The following LNX1 variants were observed in gnomAD, a reference collection of about 807,000 sequenced individuals.
The protein encoded by LNX1 is ligand of numb-protein X 1, also known as E3 ubiquitin-protein ligase LNX.
Under a neutral mutation model 68.4 loss-of-function variants are expected in LNX1, and 54 were observed. The ratio of observed to expected loss-of-function variants is 0.79; its 90% CI spans 0.63 to 0.99. The LOEUF is 0.99. Ranked by LOEUF, LNX1 falls within the 50% of genes least tolerant of loss-of-function variation. LNX1 has a pLI of 0.00. For synonymous variants in LNX1, 336 were observed against 350.0 expected (o/e 0.96, Z 0.45); for missense variants, 906 against 926.4 (o/e 0.98, Z 0.29).
intron 2 of LNX1, among the ~76,000 whole-genome samples, chr4:53,570,173 C>G (rs1305421913): frequency 7.1e-6 from 1 of 140,030 alleles, no homozygotes; most frequent in Non-Finnish European, 1.5e-5. Flanking sequence ...GGTATATACC[C>G]AAAGGACTAT....
chr4:53,472,343 T>G (rs1304812593), intron 9 of LNX1, among the ~76,000 whole-genome samples: 1 of 150,722 alleles, frequency 6.6e-6, no homozygotes, highest in African/African-American at 2.4e-5. Context: ...GTTGTGGGGT[T>G]GGGGGATGGG....
At chr4:53,492,497 A>G (rs1402750984) in intron 6 of LNX1, among the ~76,000 whole-genome samples, 1 of 47,984 alleles carries the variant, frequency 2.1e-5, no homozygotes, top group Non-Finnish European at 5.6e-5. Flanking sequence ...AGGAGGCCTC[A>G]GAGGGCTCTG....
intron 2 of LNX1, among the ~76,000 whole-genome samples, chr4:53,567,810 G>C (rs1384734240): frequency 6.6e-6 from 1 of 151,652 alleles, no homozygotes; most frequent in Admixed American, 6.6e-5. Context: ...ATGATAAAGG[G>C]GATATCACCA....
chr4:53,484,223 T>C (rs1724137847), intron 6 of LNX1, among the ~76,000 whole-genome samples: 1 of 152,188 alleles, frequency 6.6e-6, no homozygotes, highest in African/African-American at 2.4e-5. Context: ...ATGAATGGAC[T>C]AAGACAATGC....
Position 53,460,972 on chromosome 4 carries a change from G to A in LNX1, c.2122C>T (p.Leu708=). 7 of 1,609,652 alleles carry A rather than the reference G, an allele frequency of 4.3e-6. No individual in the cohort carries two copies. Among genetic ancestry groups the A allele is most frequent in the Non-Finnish European group, 5.9e-6 (7 of 1,177,966 alleles). ...SGMIHACLAR[L]LKELKGRITL... ...ATTCTTCCTTTAAGTTCTTTCAGCA[G>A]TCTTGCCAAGCAAGCATGTATCATT... The change falls in exon 11 of 11, where the codon CTG becomes TTG. Residue 708 remains leucine, a synonymous_variant. Transcript: ENST00000263925.
chr4:53,640,923 C>T (rs1177710315), intron 1 of LNX1, among the ~76,000 whole-genome samples: 1 of 152,200 alleles, frequency 6.6e-6, no homozygotes, highest in African/African-American at 2.4e-5. Context: ...TCAGTCTCGT[C>T]GGCAGTCCTT....
At chr4:53,562,574 A>T (rs1287416259) in intron 2 of LNX1, among the ~76,000 whole-genome samples, 1 of 152,232 alleles carries the variant, frequency 6.6e-6, no homozygotes, top group South Asian at 2.1e-4. Context: ...AATGAAACGC[A>T]TTCTGGAGAA....
chr4:53,460,690 TGA>T lies in LNX1; in HGVS notation c.*215_*216del, dbSNP rs971357311. On this transcript the variant is annotated 3_prime_UTR_variant, in exon 11 of 11. Transcript: ENST00000263925. The stretch of plus-strand genomic sequence containing the variant: ...AAATATAAACAATGTTGTAGAGTAA[TGA>T]GAAATCCTCCACACTGAAAAAAAAC... 2 of 491,954 alleles carry T rather than the reference TGA, an allele frequency of 4.1e-6. No homozygotes were observed. The highest frequency in any genetic ancestry group is 4.0e-5 in the African/African-American group (2 of 49,428). 30.5% of individuals were successfully genotyped at this position (491,954 alleles called of 1,614,324 possible).
intron 5 of LNX1, 129 bp from the exon 6 acceptor site, chr4:53,496,523 C>T (rs1725075172): frequency 8.6e-7 from 1 of 1,159,196 alleles, no homozygotes; most frequent in African/African-American, 1.5e-5. Flanking sequence ...CATCCTGTGT[C>T]CAATAACCGC....
At chr4:53,613,107 T>G (rs1399710300) in intron 2 of LNX1, among the ~76,000 whole-genome samples, 4 of 149,608 alleles carry the variant, frequency 2.7e-5, no homozygotes, top group African/African-American at 9.9e-5. Context: ...AATATGGGCT[T>G]TCTGGGTAAG....
intron 4 of LNX1, among the ~76,000 whole-genome samples, chr4:53,499,278 C>T (rs1398773674): frequency 6.6e-6 from 1 of 152,166 alleles, no homozygotes; most frequent in Admixed American, 6.5e-5. Flanking sequence ...CCCACCTCAG[C>T]CTCCCAAGTA....
chr4:53,638,596 C>T (rs1340351864), intron 1 of LNX1, among the ~76,000 whole-genome samples: 2 of 152,154 alleles, frequency 1.3e-5, no homozygotes, highest in Non-Finnish European at 2.9e-5. Context: ...CCCGTTTTTC[C>T]TCATTTTTGT....
At position 53,498,647 on chromosome 4, in the gene LNX1, A is replaced by G. The variant is rs1473995250; in HGVS notation, c.972T>C (p.Ile324=). Residue 324 remains isoleucine (I), a synonymous_variant, in exon 5 of 11, where the codon ATT becomes ATC. Coordinates refer to ENST00000263925, the MANE Select transcript of LNX1 (RefSeq NM_001126328.3). ...RDGRLLPGDI[I]LKVNGMDISN... ...CCACAGCCACAGTCTCTACCTTTAG[A>G]ATGATGTCTCCTGGCAGTAGCCGGC... 14 of 1,613,684 alleles carry G rather than the reference A, an allele frequency of 8.7e-6. No individual in the cohort carries two copies. Among genetic ancestry groups the G allele is most frequent in the Non-Finnish European group, 1.2e-5 (14 of 1,179,592 alleles).
intron 2 of LNX1, among the ~76,000 whole-genome samples, chr4:53,610,597 G>A (rs1733439238): frequency 6.6e-6 from 1 of 151,626 alleles, no homozygotes; most frequent in African/African-American, 2.4e-5. Flanking sequence ...AGTCCCAGCT[G>A]CTCGCGAGGC....
intron 2 of LNX1, among the ~76,000 whole-genome samples, chr4:53,520,026 A>G (rs958613875): frequency 1.3e-5 from 2 of 152,194 alleles, no homozygotes; most frequent in Non-Finnish European, 2.9e-5. Flanking sequence ...CATGACATAC[A>G]CTGCATCTTT....
At chr4:53,512,900 T>G (rs539687963) in intron 2 of LNX1, among the ~76,000 whole-genome samples, 5 of 152,204 alleles carry the variant, frequency 3.3e-5, no homozygotes, top group African/African-American at 1.2e-4. Context: ...ACTGGGAGAC[T>G]GAAATGGGCT....
intron 2 of LNX1, among the ~76,000 whole-genome samples, chr4:53,544,977 TA>T (rs1327906698): frequency 6.6e-6 from 1 of 152,178 alleles, no homozygotes; most frequent in Non-Finnish European, 1.5e-5. Flanking sequence ...CAGACCTATG[TA>T]GAGTTTGCAT....
chr4:53,472,330 A>C (rs1338910082), intron 9 of LNX1, among the ~76,000 whole-genome samples: 2 of 151,990 alleles, frequency 1.3e-5, no homozygotes, highest in African/African-American at 4.8e-5. Context: ...CACACCGGGG[A>C]CTGTTGTGGG....
At chr4:53,590,898 G>T (rs1416098469) in intron 1 of LNX1, among the ~76,000 whole-genome samples, 1 of 152,178 alleles carries the variant, frequency 6.6e-6, no homozygotes, top group Non-Finnish European at 1.5e-5. Flanking sequence ...AATTTGCCCT[G>T]AGGAACAGGT....
Sources: allele counts gnomAD v4.1 joint callset (sites outside exome capture counted in the v4.1 genomes callset), GRCh38; gene constraint gnomAD v4.1.1; transcripts MANE v1.5; gene names NCBI Gene and HGNC (gene_info 2026-07-23, HGNC 2026-07-21).